Variants in SHISA9 observed in about 807,000 individuals in gnomAD.
SHISA9 encodes shisa family member 9.
A neutral mutation model predicts 38.0 loss-of-function variants in SHISA9; 13 were observed. The observed-to-expected ratio is 0.34, with a 90% CI of 0.22 to 0.54. The LOEUF is 0.54. Ranked by LOEUF, SHISA9 falls within the 20% of genes least tolerant of loss-of-function variation. SHISA9 has a pLI of 0.91. For missense variants in SHISA9, 538 were observed against 575.8 expected, an observed-to-expected ratio of 0.93 and a Z score of 0.67; for synonymous variants, 275 against 242.0, an observed-to-expected ratio of 1.14 and a Z score of -1.27.
At chr16:13,032,649 T>A (rs1157042566) in intron 2 of SHISA9, among the ~76,000 whole-genome samples, 2 of 152,226 alleles carry the variant, frequency 1.3e-5, no homozygotes, top group Non-Finnish European at 2.9e-5. Context: ...CAGTGCCTAG[T>A]ACAGAGTAAA....
chr16:13,392,295 A>G, the SHISA9 span, among the ~76,000 whole-genome samples: 1 of 152,200 alleles, frequency 6.6e-6, no homozygotes. Flanking sequence ...TGATGACTTG[A>G]CAGCTCCCTT....
intron 2 of SHISA9, among the ~76,000 whole-genome samples, chr16:13,155,546 G>A (rs1394094807): frequency 6.6e-6 from 1 of 152,130 alleles, no homozygotes; most frequent in African/African-American, 2.4e-5. Flanking sequence ...TGCTCTGCAG[G>A]GGATGGCCTC....
chr16:13,221,834 C>G (rs1376869661), intron 4 of SHISA9, among the ~76,000 whole-genome samples: 1 of 152,184 alleles, frequency 6.6e-6, no homozygotes, highest in African/African-American at 2.4e-5. Context: ...CTGGTTCAAG[C>G]AATGACTTGC....
chr16:13,399,075 G>C, the SHISA9 span, among the ~76,000 whole-genome samples: 1 of 151,950 alleles, frequency 6.6e-6, no homozygotes, highest in Non-Finnish European at 1.5e-5. Flanking sequence ...GCAATATCTT[G>C]AAACCCTGTG....
intron 2 of SHISA9, among the ~76,000 whole-genome samples, chr16:12,998,361 G>T (rs909586971): frequency 1.3e-5 from 2 of 152,162 alleles, no homozygotes; most frequent in Non-Finnish European, 2.9e-5. Flanking sequence ...AGGTGTTCTT[G>T]GCTGGTAAAC....
At chr16:13,077,259 C>G (rs2073593837) in intron 2 of SHISA9, among the ~76,000 whole-genome samples, 1 of 148,898 alleles carries the variant, frequency 6.7e-6, no homozygotes, top group Non-Finnish European at 1.5e-5. Context: ...TTTTTTTAAC[C>G]TTCTGAATTC....
intron 4 of SHISA9, 125 bp from the exon 5 acceptor site, chr16:13,234,905 T>C: frequency 8.7e-7 from 1 of 1,144,552 alleles, no homozygotes; most frequent in Non-Finnish European, 1.2e-6. Context: ...GTGTCTTGTT[T>C]GGACTGTTGG....
At chr16:13,351,999 T>C in the SHISA9 span, among the ~76,000 whole-genome samples, 1 of 152,162 alleles carries the variant, frequency 6.6e-6, no homozygotes. Flanking sequence ...CCTGCCCGAA[T>C]AGAATGGCTT....
At chr16:13,333,125 T>A in the SHISA9 span, among the ~76,000 whole-genome samples, 1 of 152,198 alleles carries the variant, frequency 6.6e-6, no homozygotes, top group Non-Finnish European at 1.5e-5. Context: ...AGGGCAGCTT[T>A]TGCACCTTGA....
chr16:12,909,116 A>G lies in SHISA9; in HGVS notation c.563+6489A>G, dbSNP rs1015556613. 1.2e-5 allele frequency: 12 copies of G among 986,872 alleles called. 1 individual carries two copies. In the South Asian group the frequency reaches 5.6e-4, roughly 46 times the overall value. 61.1% of individuals were successfully genotyped at this position (986,872 alleles called of 1,614,324 possible). A position where few individuals can be genotyped will look rare whatever the true frequency, so the allele number is the denominator to read the frequency against. On this transcript the variant is annotated intron_variant, in intron 1 of 4. Transcript: ENST00000558583. ...CCAGGCTGGAGAAGTCCATGTGTGC[A>G]TGCATCTACTGTTGGCCACAGAAAA...
chr16:13,041,001 G>A (rs1018131838), intron 2 of SHISA9, among the ~76,000 whole-genome samples: 2 of 152,166 alleles, frequency 1.3e-5, no homozygotes, highest in East Asian at 1.9e-4. Context: ...GGTTCCTGCA[G>A]TAGACACAAA....
intron 2 of SHISA9, among the ~76,000 whole-genome samples, chr16:13,141,931 G>T (rs2050405384): frequency 6.6e-6 from 1 of 152,134 alleles, no homozygotes; most frequent in African/African-American, 2.4e-5. Context: ...TGGACATTGA[G>T]AACAAGAGTT....
At chr16:13,277,230 ATTG>A in the SHISA9 span, among the ~76,000 whole-genome samples, 1 of 151,688 alleles carries the variant, frequency 6.6e-6, no homozygotes, top group Non-Finnish European at 1.5e-5. Flanking sequence ...GCTGTAAGTA[ATTG>A]AGTTTATTTC....
chr16:13,031,262 C>A (rs559692687), intron 2 of SHISA9, among the ~76,000 whole-genome samples: 1 of 152,302 alleles, frequency 6.6e-6, no homozygotes, highest in South Asian at 2.1e-4. Context: ...GTTTCCTCCT[C>A]TGTCCACTGG....
intron 2 of SHISA9, among the ~76,000 whole-genome samples, chr16:12,943,999 T>C (rs2071657081): frequency 6.6e-6 from 1 of 152,204 alleles, no homozygotes; most frequent in African/African-American, 2.4e-5. Context: ...TTCTTTGTTG[T>C]GGGGCTGCTG....
the SHISA9 span, among the ~76,000 whole-genome samples, chr16:13,524,905 A>G: frequency 1.3e-5 from 2 of 152,046 alleles, no homozygotes; most frequent in Non-Finnish European, 2.9e-5. Context: ...CTGGCCTCCA[A>G]TCACTAAATG....
the SHISA9 span, among the ~76,000 whole-genome samples, chr16:13,379,608 T>G: frequency 2.0e-5 from 3 of 152,244 alleles, no homozygotes; most frequent in Non-Finnish European, 2.9e-5. Flanking sequence ...GGTAATGTCT[T>G]ATTCCCTTCT....
At chr16:13,174,086 G>A (rs528708858) in intron 2 of SHISA9, among the ~76,000 whole-genome samples, 4 of 152,154 alleles carry the variant, frequency 2.6e-5, no homozygotes, top group South Asian at 4.2e-4. Flanking sequence ...TAAAATGAGC[G>A]GCTGGACTGG....
At chr16:13,072,958 G>A (rs1443468842) in intron 2 of SHISA9, among the ~76,000 whole-genome samples, 1 of 152,132 alleles carries the variant, frequency 6.6e-6, no homozygotes, top group East Asian at 1.9e-4. Flanking sequence ...GCCATCCCTG[G>A]CCTTATTTTA....
Sources: gnomAD v4.1 joint callset for allele counts (sites outside exome capture counted in the v4.1 genomes callset) on GRCh38, gnomAD v4.1.1 for gene constraint, MANE v1.5 for transcripts, NCBI Gene and HGNC (gene_info 2026-07-23, HGNC 2026-07-21) for gene names.